Variants in C19orf38 observed in about 807,000 individuals in gnomAD.
C19orf38 encodes chromosome 19 open reading frame 38, also known as protein HIDE1.
Under a neutral mutation model 26.6 loss-of-function variants are expected in C19orf38, and 14 were observed. That is an observed-to-expected ratio of 0.53 (90% confidence interval 0.35 to 0.82). The LOEUF (loss-of-function observed/expected upper bound fraction) is 0.82. C19orf38 is among the 40% of genes least tolerant of loss of function. C19orf38 has a pLI of 0.01. For missense variants in C19orf38, 261 were observed against 299.5 expected, an observed-to-expected ratio of 0.87 and a Z score of 0.95; for synonymous variants, 132 against 128.5, an observed-to-expected ratio of 1.03 and a Z score of -0.18.
Position 10,869,598 on chromosome 19 carries a change from G to T in C19orf38, c.*231G>T. The T allele has an allele frequency of 1.8e-6, 1 of 560,770 alleles. No homozygotes were observed. The highest frequency in any genetic ancestry group is 1.9e-5 in the African/African-American group (1 of 51,918). The allele number at this position is 560,770 out of a possible 1,614,324, so 34.7% of individuals were successfully genotyped here. A position where few individuals can be genotyped will look rare whatever the true frequency, so the allele number is the denominator to read the frequency against. On this transcript the variant is annotated 3_prime_UTR_variant, in exon 7 of 7. Transcript: ENST00000397820. ...TCCCCTCTCGACCTTCGGCTCCTCA[G>T]GACCACCAGAGAAGGAGATGTCAGG...
chr19:10,859,888 G>T (rs138369304), intron 4 of C19orf38, 27 bp from the exon 5 acceptor site: 1 of 1,550,332 alleles, frequency 6.5e-7, no homozygotes, highest in African/African-American at 1.4e-5. Context: ...CCTGATCCCT[G>T]TCACTTTCTC....
upstream of C19orf38, among the ~76,000 whole-genome samples, chr19:10,844,570 G>A (rs563503868): frequency 6.6e-6 from 1 of 150,844 alleles, no homozygotes; most frequent in Admixed American, 6.6e-5. Context: ...AAGAAAGGCC[G>A]GGTGCAGTGG....
At chr19:10,859,371 TA>T (rs1568337624) in intron 4 of C19orf38, among the ~76,000 whole-genome samples, 3 of 46,752 alleles carry the variant, frequency 6.4e-5, no homozygotes, top group Admixed American at 2.3e-4. Flanking sequence ...TATATATATA[TA>T]TATATATATA....
Position 10,856,248 on chromosome 19 carries a change from T to C in C19orf38, c.341-17T>C. 1 of 1,546,400 alleles carries C rather than the reference T, an allele frequency of 6.5e-7. No individual in the cohort carries two copies. The highest frequency in any genetic ancestry group is 8.8e-7 in the Non-Finnish European group (1 of 1,142,480). On this transcript the variant is annotated splice_polypyrimidine_tract_variant and intron_variant, in intron 2 of 6. Transcript: ENST00000397820. ...ACGACACTGACCTGCCCACTCTCTT[T>C]TCTGATTTTCCTCCAGTGCCCACTT...
chr19:10,837,008 G>T (rs978226752), intron 1 of C19orf38, among the ~76,000 whole-genome samples: 1 of 152,128 alleles, frequency 6.6e-6, no homozygotes, highest in African/African-American at 2.4e-5. Flanking sequence ...TGTGGGACTG[G>T]GAGCCACGTT....
At chr19:10,867,498 A>C (rs1159221834) in intron 6 of C19orf38, among the ~76,000 whole-genome samples, 1 of 150,768 alleles carries the variant, frequency 6.6e-6, no homozygotes, top group African/African-American at 2.4e-5. Flanking sequence ...CATGCCTGTA[A>C]TACCAGCTAC....
At chr19:10,865,749 A>G (rs2073745257) in intron 6 of C19orf38, among the ~76,000 whole-genome samples, 1 of 152,106 alleles carries the variant, frequency 6.6e-6, no homozygotes, top group Admixed American at 6.5e-5. Flanking sequence ...CATACAGGTA[A>G]CCACTGTTAG....
intron 3 of C19orf38, among the ~76,000 whole-genome samples, chr19:10,856,974 A>T (rs534903060): frequency 6.0e-5 from 9 of 150,626 alleles, no homozygotes; most frequent in Non-Finnish European, 8.9e-5. Flanking sequence ...TTATTTATTT[A>T]TTTTTTTTAG....
chr19:10,869,690 C>A lies in C19orf38; in HGVS notation c.*323C>A. 1 of 302,826 alleles carries A rather than the reference C, an allele frequency of 3.3e-6. No individual in the cohort carries two copies. Among genetic ancestry groups the A allele is most frequent in the Non-Finnish European group, 6.0e-6 (1 of 165,512 alleles). 18.8% of individuals were successfully genotyped at this position (302,826 alleles called of 1,614,324 possible). A position where few individuals can be genotyped will look rare whatever the true frequency, so the allele number is the denominator to read the frequency against. On this transcript the variant is annotated 3_prime_UTR_variant, in exon 7 of 7. Transcript: ENST00000397820. ...TCTCTGCACACCCGTGGAATTCCTC[C>A]CTTCCCCAGTGGGTTTTTGAGCATA...
chr19:10,866,211 T>A (rs1438281482), intron 6 of C19orf38, among the ~76,000 whole-genome samples: 7 of 150,442 alleles, frequency 4.7e-5, no homozygotes, highest in African/African-American at 1.7e-4. Flanking sequence ...CTAATTTTTT[T>A]TTTTTTTTGA....
chr19:10,867,775 C>G (rs933453381), intron 6 of C19orf38, among the ~76,000 whole-genome samples: 11 of 148,182 alleles, frequency 7.4e-5, no homozygotes, highest in Non-Finnish European at 1.3e-4. Flanking sequence ...GCCTCAGCTT[C>G]CCAAGTAGCT....
intron 3 of C19orf38, 74 bp from the exon 4 acceptor site, chr19:10,858,242 A>AC: frequency 1.6e-6 from 2 of 1,215,700 alleles, no homozygotes; most frequent in Admixed American, 2.9e-5. Context: ...AAAAAAAAAA[A>AC]AAAAAAAAAA....
Position 10,858,362 on chromosome 19 carries a change from A to G in C19orf38, c.461+19A>G. 6.5e-7 allele frequency: 1 copy of G among 1,544,682 alleles called. No homozygotes were observed. The highest frequency in any genetic ancestry group is 8.8e-7 in the Non-Finnish European group (1 of 1,142,708). On this transcript the variant is annotated intron_variant, in intron 4 of 6. Coordinates refer to ENST00000397820, the MANE Select transcript of C19orf38 (RefSeq NM_001136482.3). The stretch of plus-strand genomic sequence containing the variant: ...AGAAAAGGTGAGATCATCCCTGGAG[A>G]CCCACAGAGGGTGGTTTGGGGAAAG...
chr19:10,838,589 C>T (rs970011399), intron 1 of C19orf38, among the ~76,000 whole-genome samples: 1 of 152,162 alleles, frequency 6.6e-6, no homozygotes, highest in South Asian at 2.1e-4. Context: ...CACCCGGGGT[C>T]GTTGTCTCAC....
intron 2 of C19orf38, among the ~76,000 whole-genome samples, chr19:10,853,159 C>T (rs1285055813): frequency 6.6e-6 from 1 of 151,724 alleles, no homozygotes; most frequent in Non-Finnish European, 1.5e-5. Flanking sequence ...ACTTCCTGGG[C>T]TCAATCAATC....
chr19:10,846,324 GTAGCTGGGAC>G (rs1260680582), upstream of C19orf38, among the ~76,000 whole-genome samples: 1 of 151,568 alleles, frequency 6.6e-6, no homozygotes, highest in Admixed American at 6.6e-5. Flanking sequence ...AGCCTCCCGA[GTAGCTGGGAC>G]TACAGGCACC....
At chr19:10,844,414 A>AG (rs57303662), upstream of C19orf38, among the ~76,000 whole-genome samples, 23 of 74,232 alleles carry the variant, frequency 3.1e-4, no homozygotes, top group African/African-American at 1.0e-3. Flanking sequence ...AAAAAAAAAA[A>AG]AAAAAAATTT....
At chr19:10,853,561 C>A (rs1317178718) in intron 2 of C19orf38, among the ~76,000 whole-genome samples, 2 of 151,334 alleles carry the variant, frequency 1.3e-5, no homozygotes, top group Non-Finnish European at 2.9e-5. Context: ...GCTGGAATTA[C>A]AGGCGTGAGC....
chr19:10,867,348 T>G lies in C19orf38; in HGVS notation c.544-1870T>G, dbSNP rs1157559451. ...TGGCAGGCACGGTAGCACATGCCTA[T>G]AATGCCAGCACTTTGGGAGGCCAAG... On this transcript the variant is annotated intron_variant, in intron 6 of 6. Coordinates refer to ENST00000397820, the MANE Select transcript of C19orf38 (RefSeq NM_001136482.3). Among the ~76,000 whole-genome samples the G allele has an allele frequency of 2.0e-5, 3 of 150,684 alleles. No homozygotes were observed. The East Asian group carries it at 6.0e-4, about 30-fold the overall frequency.
Sources: allele counts gnomAD v4.1 joint callset (sites outside exome capture counted in the v4.1 genomes callset), GRCh38; gene constraint gnomAD v4.1.1; transcripts MANE v1.5; gene names NCBI Gene and HGNC (gene_info 2026-07-23, HGNC 2026-07-21).